CNOT9: variants seen among roughly 807,000 people sequenced by gnomAD.
The protein encoded by CNOT9 is CCR4-NOT transcription complex subunit 9.
In CNOT9, 8 loss-of-function variants were observed where a neutral mutation model predicts 37.4. The observed-to-expected ratio is 0.21, with a 90% CI of 0.13 to 0.39. CNOT9 has a LOEUF of 0.39. CNOT9 is among the 10% of genes least tolerant of loss of function. The pLI is 1.00. For missense variants in CNOT9, 154 were observed against 365.3 expected, an observed-to-expected ratio of 0.42 and a Z score of 4.71; for synonymous variants, 120 against 137.6, an observed-to-expected ratio of 0.87 and a Z score of 0.90.
Position 218,594,128 on chromosome 2 carries a change from A to G in CNOT9, c.752A>G (p.Gln251Arg). 6.2e-7 allele frequency: 1 copy of G among 1,614,246 alleles called. No individual in the cohort carries two copies. Among genetic ancestry groups the G allele is most frequent in the Non-Finnish European group, 8.5e-7 (1 of 1,180,040 alleles). ...TGTAGGGCACGTGAAGCACTCAGACAGTGCCTCCCTGACCAGCTGAAAGAC... is the reference window on the plus strand; with the variant it reads ...TGTAGGGCACGTGAAGCACTCAGACGGTGCCTCCCTGACCAGCTGAAAGAC... ...DNPRAREALRQCLPDQLKDTT... is the reference protein window; with the variant it reads ...DNPRAREALRRCLPDQLKDTT... Residue 251 changes from glutamine (Q) to arginine (R), a missense_variant, in exon 8 of 8, where the codon CAG becomes CGG. Physicochemically the swap from Gln to Arg is conservative, Grantham distance 43 (BLOSUM62 1). Coordinates refer to ENST00000273064, the MANE Select transcript of CNOT9 (RefSeq NM_005444.3).
intron 3 of CNOT9, among the ~76,000 whole-genome samples, chr2:218,583,449 T>C (rs1032506905): frequency 1.4e-4 from 22 of 152,138 alleles, no homozygotes; most frequent in African/African-American, 4.3e-4. Flanking sequence ...AAGAGGAGTT[T>C]AGTAATTATT....
At chr2:218,586,650 G>A (rs149785592) in intron 4 of CNOT9, among the ~76,000 whole-genome samples, 1,968 of 151,842 alleles carry the variant, frequency 0.013, 48 homozygotes, top group African/African-American at 0.045. Flanking sequence ...CACCACACCC[G>A]GCTAATTTTT....
At chr2:218,573,537 T>C (rs1408575461) in intron 1 of CNOT9, among the ~76,000 whole-genome samples, 1 of 152,192 alleles carries the variant, frequency 6.6e-6, no homozygotes, top group East Asian at 1.9e-4. Context: ...ATTTTGGCCC[T>C]TAAACATAAA....
chr2:218,585,637 T>C (rs1244458304), intron 4 of CNOT9, among the ~76,000 whole-genome samples: 2 of 2,638 alleles, frequency 7.6e-4, no homozygotes, highest in African/African-American at 8.3e-4. Flanking sequence ...TTTTTTATTT[T>C]ATTTTTTTTT....
In CNOT9 at chr2:218,593,739, T is replaced by C. The variant is rs953186858; in HGVS notation, c.732-369T>C. ...TTAAGTTATCATAAGTTTGATGATA[T>C]CCTTGTTAATGTACTGATTTTTGAA... On this transcript the variant is annotated intron_variant, in intron 7 of 7. Transcript: ENST00000273064. The C allele has an allele frequency of 2.3e-5, 28 of 1,208,942 alleles. No homozygotes were observed. The South Asian group carries it at 5.2e-4, about 23-fold the overall frequency. The allele number at this position is 1,208,942 out of a possible 1,614,324, so 74.9% of individuals were successfully genotyped here. A position where few individuals can be genotyped will look rare whatever the true frequency, so the allele number is the denominator to read the frequency against.
intron 1 of CNOT9, among the ~76,000 whole-genome samples, chr2:218,575,465 G>GCTCAGGCTGGAGTACAGTGGCTCAGGC (rs1559243654): frequency 2.7e-5 from 4 of 150,522 alleles, no homozygotes; most frequent in Non-Finnish European, 5.9e-5. Context: ...GAGTACAGTG[G>GCTCAGGCTGGAGTACAGTGGCTCAGGC]TGCAATCTCC....
intron 1 of CNOT9, among the ~76,000 whole-genome samples, 199 bp downstream of exon 1, chr2:218,569,177 C>T (rs1308674022): frequency 6.6e-6 from 1 of 152,230 alleles, no homozygotes; most frequent in Non-Finnish European, 1.5e-5. Context: ...CCTCTCGCGG[C>T]CTTCAGCGCG....
At chr2:218,588,729 G>T (rs1694680580) in intron 5 of CNOT9, among the ~76,000 whole-genome samples, 1 of 111,196 alleles carries the variant, frequency 9.0e-6, no homozygotes, top group Non-Finnish European at 2.1e-5. Context: ...ACCACTCCTG[G>T]CTAATTTTTT....
At chr2:218,583,437 A>G (rs1435470183) in intron 3 of CNOT9, among the ~76,000 whole-genome samples, 4 of 152,150 alleles carry the variant, frequency 2.6e-5, no homozygotes, top group African/African-American at 4.8e-5. Context: ...TGCATGGCAT[A>G]TAAGAGGAGT....
chr2:218,587,133 T>G (rs2106094049), intron 4 of CNOT9, among the ~76,000 whole-genome samples: 1 of 152,180 alleles, frequency 6.6e-6, no homozygotes, highest in Middle Eastern at 3.4e-3. Flanking sequence ...GACAATTTAG[T>G]GCAGAAAGCT....
intron 2 of CNOT9, among the ~76,000 whole-genome samples, chr2:218,582,120 T>TA (rs1694407822): frequency 6.6e-6 from 1 of 151,980 alleles, no homozygotes; most frequent in Non-Finnish European, 1.5e-5. Context: ...TTGTATTGAG[T>TA]AAATCATTAC....
At chr2:218,570,575 T>C (rs1693954767) in intron 1 of CNOT9, among the ~76,000 whole-genome samples, 1 of 152,208 alleles carries the variant, frequency 6.6e-6, no homozygotes, top group South Asian at 2.1e-4. Flanking sequence ...GAAAAGCAAG[T>C]TGAAAGATGA....
intron 1 of CNOT9, among the ~76,000 whole-genome samples, chr2:218,569,775 T>C (rs1021297726): frequency 9.2e-5 from 14 of 152,198 alleles, no homozygotes; most frequent in Non-Finnish European, 7.3e-5. Flanking sequence ...GTTCTTCTTA[T>C]CCCTCCTCCT....
At chr2:218,570,981 G>GTA (rs1574982030) in intron 1 of CNOT9, among the ~76,000 whole-genome samples, 1 of 152,120 alleles carries the variant, frequency 6.6e-6, no homozygotes, top group East Asian at 1.9e-4. Flanking sequence ...AAACTAAAAC[G>GTA]TAAAAAGTTG....
intron 7 of CNOT9, chr2:218,593,628 C>A: frequency 7.0e-7 from 1 of 1,423,262 alleles, no homozygotes; most frequent in South Asian, 1.5e-5. Flanking sequence ...TTTCACTGCT[C>A]ATCTCTTATT....
chr2:218,582,534 CA>C (rs1694426525), intron 2 of CNOT9, among the ~76,000 whole-genome samples: 2 of 152,024 alleles, frequency 1.3e-5, no homozygotes. Context: ...ACTAAAAATA[CA>C]AAAAATTAGC....
chr2:218,582,107 G>A (rs886566057), intron 2 of CNOT9, among the ~76,000 whole-genome samples: 1 of 151,920 alleles, frequency 6.6e-6, no homozygotes, highest in African/African-American at 2.4e-5. Context: ...AATGTAAATG[G>A]AATTGTATTG....
At chr2:218,582,029 C>G (rs987087891) in intron 2 of CNOT9, among the ~76,000 whole-genome samples, 1 of 152,024 alleles carries the variant, frequency 6.6e-6, no homozygotes, top group Non-Finnish European at 1.5e-5. Flanking sequence ...CTGCAGTGAG[C>G]CATGATCATG....
At chr2:218,590,977 C>G (rs901383538) in intron 5 of CNOT9, among the ~76,000 whole-genome samples, 1 of 152,176 alleles carries the variant, frequency 6.6e-6, no homozygotes, top group African/African-American at 2.4e-5. Context: ...CAGCATGGGT[C>G]ACTTTGCCTG....
Sources: allele counts gnomAD v4.1 joint callset (sites outside exome capture counted in the v4.1 genomes callset), GRCh38; gene constraint gnomAD v4.1.1; transcripts MANE v1.5; gene names NCBI Gene and HGNC (gene_info 2026-07-23, HGNC 2026-07-21).